The following ACYP2 variants were observed in gnomAD, a reference collection of about 807,000 sequenced individuals.
ACYP2 encodes the protein acylphosphatase-2.
In ACYP2, 12 loss-of-function variants were observed where a neutral mutation model predicts 11.2. That is an observed-to-expected ratio of 1.08 (90% CI 0.69 to 1.74). The LOEUF is 1.74. Among genes scored for constraint, ACYP2 ranks in the 40% most tolerant of loss-of-function variants. The pLI is 0.00. For synonymous variants in ACYP2, 43 were observed against 32.2 expected (o/e 1.33, Z -1.13); for missense variants, 134 against 101.9 (o/e 1.31, Z -1.35).
chr2:54,293,212 A>C (rs1260693224), intron 6 of ACYP2, among the ~76,000 whole-genome samples: 1 of 152,184 alleles, frequency 6.6e-6, no homozygotes, highest in Non-Finnish European at 1.5e-5. Context: ...ACTGACTCTA[A>C]AGTCTACTTC....
At chr2:54,019,896 A>G (rs1225894901) in intron 2 of ACYP2, among the ~76,000 whole-genome samples, 2 of 152,016 alleles carry the variant, frequency 1.3e-5, no homozygotes, top group Non-Finnish European at 2.9e-5. Context: ...CTGGGATTAC[A>G]AGCATGAGCC....
chr2:53,992,915 T>G (rs1023798705), intron 2 of ACYP2, among the ~76,000 whole-genome samples: 1 of 151,628 alleles, frequency 6.6e-6, no homozygotes, highest in South Asian at 2.1e-4. Flanking sequence ...GAAAAAAGGT[T>G]TTATGGCCAG....
intron 6 of ACYP2, among the ~76,000 whole-genome samples, chr2:54,140,828 T>G (rs1413040753): frequency 6.6e-6 from 1 of 152,198 alleles, no homozygotes; most frequent in East Asian, 1.9e-4. Context: ...GGTGATTTTA[T>G]TTTGATTGCA....
chr2:54,300,539 G>A (rs1338038158), intron 6 of ACYP2, among the ~76,000 whole-genome samples: 1 of 152,198 alleles, frequency 6.6e-6, no homozygotes, highest in Non-Finnish European at 1.5e-5. Flanking sequence ...CAGTTTCAGA[G>A]CTCCTTAAGT....
At position 53,996,158 on chromosome 2, in the gene ACYP2, C is replaced by G. The variant is rs2104523502; in HGVS notation, c.62+22348C>G. ...CCCACCACCCAAAAAAAAAAAGACT[C>G]ACAATGTACAAACGGCTATTCTAGG... is the stretch of plus-strand genomic sequence containing the variant. On this transcript the variant is annotated intron_variant, in intron 2 of 6. Transcript: ENST00000607452. Among the ~76,000 whole-genome samples the G allele has an allele frequency of 3.9e-5, 6 of 152,074 alleles. No individual in the cohort carries two copies. The Middle Eastern group carries it at 0.017, about 431-fold the overall frequency.
At chr2:54,054,956 T>C (rs1429203997) in intron 3 of ACYP2, among the ~76,000 whole-genome samples, 1 of 152,238 alleles carries the variant, frequency 6.6e-6, no homozygotes, top group Non-Finnish European at 1.5e-5. Context: ...GTATTTTAAT[T>C]CTCTGGCTTT....
At chr2:53,982,736 G>A (rs1002882314) in intron 2 of ACYP2, among the ~76,000 whole-genome samples, 1 of 151,908 alleles carries the variant, frequency 6.6e-6, no homozygotes, top group Non-Finnish European at 1.5e-5. Flanking sequence ...GACTTCTGTT[G>A]TCCCAGTTTG....
At chr2:54,264,455 A>G (rs1406830357) in intron 6 of ACYP2, among the ~76,000 whole-genome samples, 1 of 152,176 alleles carries the variant, frequency 6.6e-6, no homozygotes, top group Non-Finnish European at 1.5e-5. Context: ...CCGACCCAGA[A>G]GCCCAGCTGG....
intron 4 of ACYP2, among the ~76,000 whole-genome samples, chr2:54,134,086 C>G (rs1357371599): frequency 2.0e-5 from 3 of 152,182 alleles, no homozygotes; most frequent in African/African-American, 7.2e-5. Flanking sequence ...GTAATCTACA[C>G]TATAGAGATT....
chr2:54,286,054 G>A (rs562738121), intron 6 of ACYP2, among the ~76,000 whole-genome samples: 1 of 152,280 alleles, frequency 6.6e-6, no homozygotes, highest in South Asian at 2.1e-4. Context: ...TGAAAATACT[G>A]TAAGTGAGAA....
At chr2:54,068,087 C>T (rs1676833980) in intron 4 of ACYP2, among the ~76,000 whole-genome samples, 1 of 152,138 alleles carries the variant, frequency 6.6e-6, no homozygotes, top group African/African-American at 2.4e-5. Context: ...TTAGCTTATT[C>T]TTACACTAGA....
chr2:54,288,411 T>G (rs1452045491), intron 6 of ACYP2, among the ~76,000 whole-genome samples: 3 of 151,968 alleles, frequency 2.0e-5, no homozygotes, highest in Non-Finnish European at 2.9e-5. Flanking sequence ...ATATTACCAT[T>G]TCTTCAGTGC....
intron 6 of ACYP2, among the ~76,000 whole-genome samples, chr2:54,283,598 C>T (rs1018146586): frequency 1.3e-5 from 2 of 152,164 alleles, no homozygotes; most frequent in Non-Finnish European, 2.9e-5. Context: ...ACCGTGACTT[C>T]GTAGTGCCTT....
intron 6 of ACYP2, among the ~76,000 whole-genome samples, chr2:54,167,903 A>G (rs777310478): frequency 2.0e-5 from 3 of 152,198 alleles, no homozygotes; most frequent in African/African-American, 4.8e-5. Flanking sequence ...GTTCTAAATA[A>G]TAAGCCAGTT....
At chr2:54,171,942 G>T (rs1683237833) in intron 6 of ACYP2, among the ~76,000 whole-genome samples, 1 of 152,088 alleles carries the variant, frequency 6.6e-6, no homozygotes, top group South Asian at 2.1e-4. Context: ...GGTTGGGTGT[G>T]GCGGTTCACA....
At chr2:54,113,720 G>A (rs918700993) in intron 4 of ACYP2, among the ~76,000 whole-genome samples, 1 of 152,106 alleles carries the variant, frequency 6.6e-6, no homozygotes, top group Non-Finnish European at 1.5e-5. Context: ...TGGAGAAGGG[G>A]GAGGCATTCC....
At chr2:54,171,840 C>T (rs1211662473) in intron 6 of ACYP2, among the ~76,000 whole-genome samples, 3 of 152,136 alleles carry the variant, frequency 2.0e-5, no homozygotes, top group Non-Finnish European at 2.9e-5. Context: ...ACAGTTCTTT[C>T]TCCTCTTTAA....
intron 4 of ACYP2, among the ~76,000 whole-genome samples, chr2:54,131,250 A>G (rs1680882902): frequency 6.6e-6 from 1 of 152,226 alleles, no homozygotes; most frequent in African/African-American, 2.4e-5. Flanking sequence ...TGGAGCAGGT[A>G]ATTTCCTTAA....
chr2:54,106,314 T>C (rs1679156593), intron 4 of ACYP2, among the ~76,000 whole-genome samples: 1 of 151,260 alleles, frequency 6.6e-6, no homozygotes, highest in African/African-American at 2.4e-5. Context: ...TCCTCCCGCC[T>C]TGGTCTCCCA....
Sources: gnomAD v4.1 joint callset for allele counts (sites outside exome capture counted in the v4.1 genomes callset) on GRCh38, gnomAD v4.1.1 for gene constraint, MANE v1.5 for transcripts, NCBI Gene and HGNC (gene_info 2026-07-23, HGNC 2026-07-21) for gene names.